JAM3: variants seen among roughly 807,000 people sequenced by gnomAD.
The protein encoded by JAM3 is junctional adhesion molecule 3, also known as junctional adhesion molecule C.
JAM3 carries 31 observed loss-of-function variants against 39.4 expected under a neutral mutation model. That is an observed-to-expected ratio of 0.79 (90% CI 0.59 to 1.06). The LOEUF (loss-of-function observed/expected upper bound fraction) is 1.06. Ranked by LOEUF, JAM3 falls within the 50% of genes least tolerant of loss-of-function variation. The probability of loss-of-function intolerance (pLI) is 0.00; values close to 1 mark genes in which losing one functional copy is unlikely to be tolerated. For missense variants in JAM3, 455 were observed against 391.4 expected (o/e 1.16, Z -1.37); for synonymous variants, 182 against 148.7 (o/e 1.22, Z -1.63).
intron 1 of JAM3, among the ~76,000 whole-genome samples, chr11:134,110,409 AG>A (rs1461432417): frequency 1.3e-5 from 2 of 152,266 alleles, no homozygotes; most frequent in African/African-American, 4.8e-5. Flanking sequence ...GCCCATCAAT[AG>A]TAAATAAACA....
intron 1 of JAM3, among the ~76,000 whole-genome samples, chr11:134,136,665 A>G (rs1942870411): frequency 6.6e-6 from 1 of 152,180 alleles, no homozygotes; most frequent in South Asian, 2.1e-4. Context: ...TCTGCTCTGG[A>G]GTCTTCCTGG....
chr11:134,088,507 C>T (rs1040166230), intron 1 of JAM3, among the ~76,000 whole-genome samples: 2 of 151,962 alleles, frequency 1.3e-5, no homozygotes, highest in East Asian at 1.9e-4. Flanking sequence ...AAGGAAAAAA[C>T]GGAATACAAA....
At chr11:134,101,179 C>T (rs371779302) in intron 1 of JAM3, among the ~76,000 whole-genome samples, 2 of 152,132 alleles carry the variant, frequency 1.3e-5, no homozygotes, top group Non-Finnish European at 2.9e-5. Flanking sequence ...AACAGTGATA[C>T]TTGAGTTATG....
rs140797606 is a variant in JAM3, at chr11:134,141,888, A to C, written c.256+1118A>C. Reference sequence around the variant, plus strand: ...GTCGGAGCCTGTGGAGTTCTCAGAGAAGTTGAGAGTTGAGAGGGATTTGTG... The same window carrying C: ...GTCGGAGCCTGTGGAGTTCTCAGAGCAGTTGAGAGTTGAGAGGGATTTGTG... On this transcript the variant is annotated intron_variant, in intron 3 of 8. Coordinates refer to ENST00000299106, the MANE Select transcript of JAM3 (RefSeq NM_032801.5). Among the ~76,000 whole-genome samples the C allele has an allele frequency of 4.0e-5, 6 of 151,246 alleles. 1 individual carries two copies. In the East Asian group the frequency reaches 1.2e-3, roughly 30 times the overall value.
intron 1 of JAM3, among the ~76,000 whole-genome samples, chr11:134,077,687 G>A (rs1364281414): frequency 1.1e-5 from 1 of 90,906 alleles, no homozygotes; most frequent in Non-Finnish European, 2.0e-5. Flanking sequence ...ACGGAGTTTT[G>A]CTCTTTCGCC....
In JAM3 at chr11:134,149,569, T is replaced by C. The variant is rs1037159045; in HGVS notation, c.*388T>C. 4.2e-6 allele frequency: 2 copies of C among 478,190 alleles called. No homozygotes were observed. Among genetic ancestry groups the C allele is most frequent in the Non-Finnish European group, 8.3e-6 (2 of 241,820 alleles). The allele number at this position is 478,190 out of a possible 1,614,324, so 29.6% of individuals were successfully genotyped here. A position where few individuals can be genotyped will look rare whatever the true frequency, so the allele number is the denominator to read the frequency against. Reference sequence around the variant, plus strand: ...TCGTTCAGCAGCCACGACAGCACCATGTGAGATGGCGAGGTGGCTGGACAG... The same window carrying C: ...TCGTTCAGCAGCCACGACAGCACCACGTGAGATGGCGAGGTGGCTGGACAG... On this transcript the variant is annotated 3_prime_UTR_variant, in exon 9 of 9. Transcript: ENST00000299106.
intron 1 of JAM3, among the ~76,000 whole-genome samples, 189 bp downstream of exon 1, chr11:134,069,348 A>T (rs1242402397): frequency 2.6e-5 from 4 of 151,952 alleles, no homozygotes; most frequent in African/African-American, 9.7e-5. Flanking sequence ...GGGCCTGGCT[A>T]GGGCGGGGGC....
At chr11:134,074,800 G>A (rs77533619) in intron 1 of JAM3, among the ~76,000 whole-genome samples, 2,063 of 152,202 alleles carry the variant, frequency 0.014, 130 homozygotes, top group Admixed American at 0.11. Flanking sequence ...ATTGACTTCT[G>A]TTGAAACTAG....
chr11:134,150,551 G>T lies in JAM3; in HGVS notation c.*1370G>T, dbSNP rs1310186044. 6.6e-6 allele frequency: 1 copy of T among 152,198 alleles called. No homozygotes were observed. The highest frequency in any genetic ancestry group is 1.5e-5 in the Non-Finnish European group (1 of 68,036). The allele number at this position is 152,198 out of a possible 1,614,324, so 9.4% of individuals were successfully genotyped here. On this transcript the variant is annotated 3_prime_UTR_variant, in exon 9 of 9. Coordinates refer to ENST00000299106, the MANE Select transcript of JAM3 (RefSeq NM_032801.5). ...TCAGGTGGGCACTGCAGGGACACTG[G>T]TGTCTTCCATGTAGCGTCCCAGCTT...
At chr11:134,075,512 T>C (rs1271288235) in intron 1 of JAM3, among the ~76,000 whole-genome samples, 1 of 127,128 alleles carries the variant, frequency 7.9e-6, no homozygotes. Flanking sequence ...GAGCTTGGGC[T>C]TCTATGACAG....
chr11:134,114,420 G>A (rs1281257306), intron 1 of JAM3, among the ~76,000 whole-genome samples: 1 of 152,110 alleles, frequency 6.6e-6, no homozygotes, highest in Non-Finnish European at 1.5e-5. Context: ...AGTTTTCCCA[G>A]CACCATTTAT....
chr11:134,072,314 A>T (rs1591765254), intron 1 of JAM3, among the ~76,000 whole-genome samples: 1 of 144,728 alleles, frequency 6.9e-6, no homozygotes, highest in African/African-American at 2.5e-5. Context: ...GTGAAGTTGG[A>T]TTTTTTTTTT....
chr11:134,094,178 A>G (rs1422929727), intron 1 of JAM3, among the ~76,000 whole-genome samples: 19 of 124,910 alleles, frequency 1.5e-4, no homozygotes, highest in Non-Finnish European at 2.2e-4. Flanking sequence ...CTTCTCCTGA[A>G]CCCTCCTTAT....
At chr11:134,072,174 G>T (rs1426746300) in intron 1 of JAM3, among the ~76,000 whole-genome samples, 1 of 152,206 alleles carries the variant, frequency 6.6e-6, no homozygotes, top group Admixed American at 6.5e-5. Flanking sequence ...AGCTGTTAGA[G>T]ATGTGGTATT....
intron 1 of JAM3, among the ~76,000 whole-genome samples, chr11:134,125,930 G>C (rs542263147): frequency 1.3e-5 from 2 of 152,290 alleles, no homozygotes; most frequent in Non-Finnish European, 2.9e-5. Context: ...ATAGTCAACT[G>C]ATCTACAGGA....
intron 1 of JAM3, among the ~76,000 whole-genome samples, chr11:134,134,097 TAAAAA>T (rs373410203): frequency 1.3e-5 from 2 of 151,224 alleles, no homozygotes; most frequent in African/African-American, 2.4e-5. Flanking sequence ...ACACTAGAGA[TAAAAA>T]AAACTAGCAG....
chr11:134,118,783 C>T (rs1447392379), intron 1 of JAM3, among the ~76,000 whole-genome samples: 1 of 152,114 alleles, frequency 6.6e-6, no homozygotes, highest in Non-Finnish European at 1.5e-5. Context: ...ATAATTTCCT[C>T]CCCATGATAA....
intron 1 of JAM3, among the ~76,000 whole-genome samples, chr11:134,107,347 G>T (rs1234549546): frequency 6.6e-6 from 1 of 152,088 alleles, no homozygotes; most frequent in South Asian, 2.1e-4. Context: ...TTGGGAGAGG[G>T]GGGAGGGATA....
At chr11:134,113,928 T>G (rs535259589) in intron 1 of JAM3, among the ~76,000 whole-genome samples, 2 of 152,338 alleles carry the variant, frequency 1.3e-5, no homozygotes, top group East Asian at 3.9e-4. Flanking sequence ...TTGATGTGCA[T>G]TTGTCTGATG....
Sources: gnomAD v4.1 joint callset for allele counts (sites outside exome capture counted in the v4.1 genomes callset) on GRCh38, gnomAD v4.1.1 for gene constraint, MANE v1.5 for transcripts, NCBI Gene and HGNC (gene_info 2026-07-23, HGNC 2026-07-21) for gene names.